The following MLLT1 variants were observed in gnomAD, a reference collection of about 807,000 sequenced individuals.
MLLT1 encodes the protein MLLT1 super elongation complex subunit, also known as protein ENL.
A neutral mutation model predicts 55.1 loss-of-function variants in MLLT1; 11 were observed. That is an observed-to-expected ratio of 0.20 (90% CI 0.13 to 0.33). The LOEUF is 0.33. MLLT1 is among the 10% of genes least tolerant of loss of function. MLLT1 has a pLI of 1.00. For synonymous variants in MLLT1, 323 were observed against 320.1 expected, an observed-to-expected ratio of 1.01 and a Z score of -0.10; for missense variants, 536 against 760.6, an observed-to-expected ratio of 0.70 and a Z score of 3.47.
chr19:6,228,602 A>G (rs2090976106), intron 4 of MLLT1, among the ~76,000 whole-genome samples: 1 of 152,180 alleles, frequency 6.6e-6, no homozygotes. Context: ...AGAGGAGCAG[A>G]GAAAGCAGCG....
intron 2 of MLLT1, among the ~76,000 whole-genome samples, chr19:6,267,406 A>C (rs2091357552): frequency 6.6e-6 from 1 of 152,008 alleles, no homozygotes; most frequent in African/African-American, 2.4e-5. Flanking sequence ...AAAAATTAAA[A>C]AAAAAAAAAA....
intron 2 of MLLT1, among the ~76,000 whole-genome samples, chr19:6,268,541 C>T (rs556167769): frequency 1.3e-5 from 2 of 152,212 alleles, no homozygotes; most frequent in South Asian, 2.1e-4. Context: ...TAAGCTGGGG[C>T]GGAAGTAAAA....
intron 2 of MLLT1, among the ~76,000 whole-genome samples, chr19:6,265,311 A>G (rs1188823950): frequency 6.6e-6 from 1 of 152,190 alleles, no homozygotes; most frequent in Non-Finnish European, 1.5e-5. Flanking sequence ...CTGGTTCAGC[A>G]TCCCAAAAAT....
Position 6,222,182 on chromosome 19 carries a change from G to T in MLLT1, c.1049C>A (p.Ala350Asp). Reference sequence around the variant, plus strand: ...CTCCTCCACCTCCAGGGCCTTTTTGGCCTCCCGGGGCTCACTCTCGGCCTT... The same window carrying T: ...CTCCTCCACCTCCAGGGCCTTTTTGTCCTCCCGGGGCTCACTCTCGGCCTT... ...KVKAESEPRE[A>D]KKALEVEESN... is the part of the protein sequence containing the mutation. Residue 350 changes from alanine to aspartate, a missense_variant, in exon 6 of 12, where the codon GCC (alanine) becomes GAC (aspartate). This residue lies in a region of MLLT1 where 449 missense variants were observed against 489.0 expected (regional missense o/e 0.92). Coordinates refer to ENST00000252674, the MANE Select transcript of MLLT1 (RefSeq NM_005934.4). The surrounding 1 kb of genome is among the most constrained non-coding windows in gnomAD (Gnocchi z 4.1). The T allele has an allele frequency of 6.3e-7, 1 of 1,585,082 alleles. No homozygotes were observed. The highest frequency in any genetic ancestry group is 8.6e-7 in the Non-Finnish European group (1 of 1,166,026).
At chr19:6,269,161 G>A (rs889859046) in intron 2 of MLLT1, among the ~76,000 whole-genome samples, 1 of 152,218 alleles carries the variant, frequency 6.6e-6, no homozygotes, top group African/African-American at 2.4e-5. Context: ...CTATGCGGGC[G>A]GGCATGGCCG....
At chr19:6,213,853 A>G (rs1238043938) in intron 9 of MLLT1, 56 bp from the exon 10 acceptor site, 2 of 1,593,804 alleles carry the variant, frequency 1.3e-6, no homozygotes, top group South Asian at 2.2e-5. Context: ...CCAGCCCCGA[A>G]GGCCCCACAA....
chr19:6,261,451 C>T (rs973615813), intron 3 of MLLT1, among the ~76,000 whole-genome samples: 1 of 152,100 alleles, frequency 6.6e-6, no homozygotes, highest in Non-Finnish European at 1.5e-5. Flanking sequence ...AGTAACCAAG[C>T]GGGGCGGCAT....
At chr19:6,232,923 C>T (rs1297284288) in intron 3 of MLLT1, among the ~76,000 whole-genome samples, 2 of 152,174 alleles carry the variant, frequency 1.3e-5, no homozygotes, top group Admixed American at 1.3e-4. Flanking sequence ...ATGGGCGTCC[C>T]GTGAAGGCTT....
intron 3 of MLLT1, among the ~76,000 whole-genome samples, chr19:6,242,919 C>T (rs867027659): frequency 1.3e-5 from 2 of 152,192 alleles, no homozygotes; most frequent in African/African-American, 4.8e-5. Flanking sequence ...TCTCTCTGCC[C>T]CTCTCGGTTT....
At position 6,229,050 on chromosome 19, in the gene MLLT1, C is replaced by T. The variant is rs1568280493; in HGVS notation, c.420+1520G>A. ...GTGGAGCAAAGGAAGCCGCCTCCCACAGGGAGCCAGGTCCTGGCTGCAGCC... is the reference window on the plus strand; with the variant it reads ...GTGGAGCAAAGGAAGCCGCCTCCCATAGGGAGCCAGGTCCTGGCTGCAGCC... On this transcript the variant is annotated intron_variant, in intron 4 of 11. Coordinates refer to ENST00000252674, the MANE Select transcript of MLLT1 (RefSeq NM_005934.4). The surrounding 1 kb of genome is among the most constrained non-coding windows in gnomAD (Gnocchi z 5.2). Among the ~76,000 whole-genome samples, 3 of 152,220 alleles carry T rather than the reference C, an allele frequency of 2.0e-5. No individual in the cohort carries two copies. In the East Asian group the frequency reaches 5.8e-4, roughly 29 times the overall value.
In MLLT1 at chr19:6,257,858, A is replaced by AT. The variant is rs200194820; in HGVS notation, c.276+4369dup. Among the ~76,000 whole-genome samples the AT allele has an allele frequency of 4.3e-3, 654 of 152,336 alleles. 3 individuals carry two copies. The highest frequency in any genetic ancestry group is 0.014 in the African/African-American group (573 of 41,574). On this transcript the variant is annotated intron_variant, in intron 3 of 11. Coordinates refer to ENST00000252674, the MANE Select transcript of MLLT1 (RefSeq NM_005934.4). ...TATCTAGACATTTCTCGAGAAAGAG[A>AT]TACGTGCAGCCAGCAAGCATGTGAA...
intron 2 of MLLT1, among the ~76,000 whole-genome samples, chr19:6,267,277 T>C (rs2091356341): frequency 6.6e-6 from 1 of 152,036 alleles, no homozygotes; most frequent in African/African-American, 2.4e-5. Context: ...AATTTTTTTG[T>C]ATTTTTAGTA....
chr19:6,274,273 G>A (rs568072869), intron 1 of MLLT1, among the ~76,000 whole-genome samples: 30 of 152,352 alleles, frequency 2.0e-4, no homozygotes, highest in Middle Eastern at 6.8e-3. Flanking sequence ...CTCAAGCCAC[G>A]TCAACGGGAG....
chr19:6,268,588 C>G (rs1021014999), intron 2 of MLLT1, among the ~76,000 whole-genome samples: 1 of 152,200 alleles, frequency 6.6e-6, no homozygotes, highest in Non-Finnish European at 1.5e-5. Flanking sequence ...AATCCAGAGG[C>G]TGGAGTGCTC....
chr19:6,259,726 G>C (rs981141468), intron 3 of MLLT1: 4 of 148,550 alleles, frequency 2.7e-5, no homozygotes, highest in Non-Finnish European at 4.4e-5. Context: ...ACAGGCTCAT[G>C]GCAGAACTCC....
chr19:6,213,664 G>T, intron 10 of MLLT1, 62 bp downstream of exon 10: 1 of 1,443,640 alleles, frequency 6.9e-7, no homozygotes, highest in Non-Finnish European at 9.7e-7. Flanking sequence ...TCCTCCACTG[G>T]CTGCAACTCC....
At chr19:6,266,419 A>G (rs1284601294) in intron 2 of MLLT1, among the ~76,000 whole-genome samples, 4 of 152,030 alleles carry the variant, frequency 2.6e-5, no homozygotes, top group Non-Finnish European at 5.9e-5. Context: ...ACATGCTAGG[A>G]CTCAAAGGGT....
In MLLT1 at chr19:6,214,050, C is replaced by G; in HGVS notation, c.1308-12G>C. 7.1e-7 allele frequency: 1 copy of G among 1,412,984 alleles called. No individual in the cohort carries two copies. Among genetic ancestry groups the G allele is most frequent in the Non-Finnish European group, 9.2e-7 (1 of 1,082,080 alleles). 87.5% of individuals were successfully genotyped at this position (1,412,984 alleles called of 1,614,324 possible). On this transcript the variant is annotated splice_polypyrimidine_tract_variant and intron_variant, in intron 8 of 11. Coordinates refer to ENST00000252674, the MANE Select transcript of MLLT1 (RefSeq NM_005934.4). ...CGCTGAAGCTCAACCTGAACCGACA[C>G]ACGGGGGCGCATCAGGCCCCTGCCG...
At chr19:6,237,923 T>A (rs1182079089) in intron 3 of MLLT1, among the ~76,000 whole-genome samples, 1 of 152,064 alleles carries the variant, frequency 6.6e-6, no homozygotes, top group Non-Finnish European at 1.5e-5. Context: ...ATGCACACAG[T>A]GAGATCTCAT....
Sources: gnomAD v4.1 joint callset for allele counts (sites outside exome capture counted in the v4.1 genomes callset) on GRCh38, gnomAD v4.1.1 for gene constraint, gnomAD v4.1.1 regional missense constraint, Gnocchi (gnomAD v3.1) non-coding constraint, MANE v1.5 for transcripts, NCBI Gene and HGNC (gene_info 2026-07-23, HGNC 2026-07-21) for gene names.